The following TRMT9B variants were observed in gnomAD, a reference collection of about 807,000 sequenced individuals.
TRMT9B encodes tRNA methyltransferase 9B (putative).
In TRMT9B, 16 loss-of-function variants were observed where a neutral mutation model predicts 11.5. That is an observed-to-expected ratio of 1.39 (90% confidence interval 0.94 to 2.11). The LOEUF (loss-of-function observed/expected upper bound fraction) is 2.11, where lower values mean the gene tolerates loss of function less well. Among genes scored for constraint, TRMT9B ranks in the 30% most tolerant of loss-of-function variants. TRMT9B has a pLI of 0.00. For synonymous variants in TRMT9B, 274 were observed against 192.4 expected (o/e 1.42, Z -3.51); for missense variants, 941 against 553.8 (o/e 1.70, Z -7.02).
rs1006610589 is a variant in TRMT9B at position 12,951,024 on chromosome 8, A to G, written c.-200+5058A>G. 2.6e-5 allele frequency among the ~76,000 whole-genome samples: 4 copies of G among 152,186 alleles called. No homozygotes were observed. In the East Asian group the frequency reaches 7.7e-4, roughly 29 times the overall value. The stretch of plus-strand genomic sequence containing the variant: ...CTGATGATAACGGAGTTGTTTGATA[A>G]TAGGCGGTTGAAGATACTATTACGT... On this transcript the variant is annotated intron_variant, in intron 1 of 4. Coordinates refer to ENST00000524591, the MANE Select transcript of TRMT9B (RefSeq NM_020844.3).
chr8:12,981,322 G>A (rs1238691119), intron 1 of TRMT9B, among the ~76,000 whole-genome samples: 2 of 152,188 alleles, frequency 1.3e-5, no homozygotes, highest in Non-Finnish European at 2.9e-5. Flanking sequence ...TTCAAATGGT[G>A]CTGGCAGAGC....
At chr8:12,977,495 A>G (rs6531015) in intron 1 of TRMT9B, among the ~76,000 whole-genome samples, 119,152 of 151,922 alleles carry the variant, frequency 0.78, 46,795 homozygotes, top group Middle Eastern at 0.83. Flanking sequence ...GAGGTCGAGA[A>G]ATCGAGACCA....
intron 1 of TRMT9B, chr8:12,962,093 C>G (rs1428240681): frequency 6.6e-6 from 1 of 152,262 alleles, no homozygotes; most frequent in African/African-American, 2.4e-5. Flanking sequence ...AATGTTTTGT[C>G]CTACAGACAT....
chr8:12,957,161 T>C (rs532759465), intron 1 of TRMT9B, among the ~76,000 whole-genome samples: 49 of 152,260 alleles, frequency 3.2e-4, no homozygotes, highest in African/African-American at 1.1e-3. Flanking sequence ...AACATGAACA[T>C]GTTTCTGCTT....
At chr8:12,952,803 G>C (rs559990621) in intron 1 of TRMT9B, 8 of 459,168 alleles carry the variant, frequency 1.7e-5, no homozygotes, top group Non-Finnish European at 2.3e-5. Flanking sequence ...GCAATGGCAC[G>C]ATCTCGGCTC....
At chr8:12,970,455 C>T (rs1038708704) in intron 1 of TRMT9B, among the ~76,000 whole-genome samples, 2 of 152,174 alleles carry the variant, frequency 1.3e-5, no homozygotes, top group African/African-American at 4.8e-5. Flanking sequence ...GATTCCAATC[C>T]AATTTCATGG....
At chr8:12,968,673 C>T (rs1296721044) in intron 1 of TRMT9B, among the ~76,000 whole-genome samples, 2 of 152,136 alleles carry the variant, frequency 1.3e-5, no homozygotes, top group African/African-American at 2.4e-5. Flanking sequence ...GTGGGAGGGA[C>T]AGCCTGAGCA....
At chr8:13,005,887 C>T (rs1459833941) in intron 2 of TRMT9B, among the ~76,000 whole-genome samples, 1 of 152,134 alleles carries the variant, frequency 6.6e-6, no homozygotes, top group Non-Finnish European at 1.5e-5. Flanking sequence ...CCAAAGTAAA[C>T]CATTTGGTAA....
At chr8:13,000,640 A>G (rs1431332555) in intron 2 of TRMT9B, among the ~76,000 whole-genome samples, 2 of 152,184 alleles carry the variant, frequency 1.3e-5, no homozygotes, top group African/African-American at 2.4e-5. Context: ...GATTGCTAGC[A>G]TTCAATTTTG....
intron 1 of TRMT9B, among the ~76,000 whole-genome samples, chr8:12,981,770 T>C (rs1805435492): frequency 6.6e-6 from 1 of 151,942 alleles, no homozygotes; most frequent in South Asian, 2.1e-4. Flanking sequence ...CGGCTATTTT[T>C]CAATCTTTTT....
chr8:12,988,773 A>G (rs375080765), intron 1 of TRMT9B, among the ~76,000 whole-genome samples: 1 of 152,200 alleles, frequency 6.6e-6, no homozygotes, highest in African/African-American at 2.4e-5. Context: ...TTGGGTGGGG[A>G]CACAGCCAAA....
chr8:12,993,219 A>G (rs976195423), intron 2 of TRMT9B, among the ~76,000 whole-genome samples: 1 of 152,194 alleles, frequency 6.6e-6, no homozygotes, highest in Non-Finnish European at 1.5e-5. Context: ...GCTATCCCGT[A>G]GGCAGCAGAG....
At chr8:12,984,847 G>T (rs776294890) in intron 1 of TRMT9B, among the ~76,000 whole-genome samples, 1 of 151,926 alleles carries the variant, frequency 6.6e-6, no homozygotes, top group African/African-American at 2.4e-5. Flanking sequence ...CCTTGTCATT[G>T]TCTGTGGAGG....
At chr8:12,982,758 A>T (rs569870637) in intron 1 of TRMT9B, among the ~76,000 whole-genome samples, 1 of 152,282 alleles carries the variant, frequency 6.6e-6, no homozygotes, top group East Asian at 1.9e-4. Context: ...AATGCTCAAA[A>T]ATTTGAAACT....
At position 12,953,050 on chromosome 8, in the gene TRMT9B, A is replaced by G. The variant is rs1800842646; in HGVS notation, c.-200+7084A>G. ...ACCGGGCCCGGCTGATTCTTTTTAT[A>G]GTACTTGGGTTCTTTGTGATAAATG... On this transcript the variant is annotated intron_variant, in intron 1 of 4. Transcript: ENST00000524591. Among the ~76,000 whole-genome samples, 2 of 152,016 alleles carry G rather than the reference A, an allele frequency of 1.3e-5. 1 individual carries two copies. Among genetic ancestry groups the G allele is most frequent in the Non-Finnish European group, 2.9e-5 (2 of 68,000 alleles).
intron 1 of TRMT9B, among the ~76,000 whole-genome samples, chr8:12,973,595 G>C (rs1051338015): frequency 6.6e-6 from 1 of 152,224 alleles, no homozygotes; most frequent in Non-Finnish European, 1.5e-5. Flanking sequence ...GGTGGCATTG[G>C]CTAGGATCTC....
chr8:13,022,725 C>G lies in TRMT9B; in HGVS notation c.*681C>G, dbSNP rs535525267. On this transcript the variant is annotated 3_prime_UTR_variant, in exon 5 of 5. Transcript: ENST00000524591. ...GGCACTGTTAGGCTGAGCATGGTGG[C>G]TCATGCCTGTAATCCCAGCACTTTG... is the stretch of plus-strand genomic sequence containing the variant. 6.0e-6 allele frequency: 1 copy of G among 167,098 alleles called. No individual in the cohort carries two copies. The highest frequency in any genetic ancestry group is 1.5e-5 in the Non-Finnish European group (1 of 68,206). 10.4% of individuals were successfully genotyped at this position (167,098 alleles called of 1,614,324 possible).
intron 1 of TRMT9B, chr8:12,962,003 A>T (rs1802182850): frequency 1.3e-5 from 2 of 152,396 alleles, no homozygotes; most frequent in South Asian, 4.1e-4. Flanking sequence ...CCATTAACAG[A>T]CACACCTGAA....
At chr8:12,971,746 G>A (rs111234731) in intron 1 of TRMT9B, among the ~76,000 whole-genome samples, 128 of 152,186 alleles carry the variant, frequency 8.4e-4, no homozygotes, top group Middle Eastern at 3.4e-3. Context: ...ATTTTCCTCC[G>A]AATATATTTA....
Sources: gnomAD v4.1 joint callset for allele counts (sites outside exome capture counted in the v4.1 genomes callset) on GRCh38, gnomAD v4.1.1 for gene constraint, MANE v1.5 for transcripts, NCBI Gene and HGNC (gene_info 2026-07-23, HGNC 2026-07-21) for gene names.